Variants in NAA11 observed in about 807,000 individuals in gnomAD.
The protein encoded by NAA11 is N-alpha-acetyltransferase 11.
In NAA11, 15 loss-of-function variants were observed where a neutral mutation model predicts 16.1. The observed-to-expected ratio is 0.93, with a 90% CI of 0.62 to 1.44. The LOEUF is 1.44. Ranked by LOEUF, NAA11 falls within the 40% of genes most tolerant of loss-of-function variation. NAA11 has a pLI of 0.00. For synonymous variants in NAA11, 122 were observed against 112.4 expected (o/e 1.09, Z -0.54); for missense variants, 298 against 291.3 (o/e 1.02, Z -0.17).
chr4:79,294,689 A>T lies in NAA11; in HGVS notation c.*13-575T>A, dbSNP rs147971027. Among the ~76,000 whole-genome samples the T allele has an allele frequency of 4.0e-3, 612 of 152,302 alleles. 2 individuals are homozygous for T. Among genetic ancestry groups the T allele is most frequent in the Middle Eastern group, 0.031 (9 of 294 alleles). On this transcript the variant is annotated intron_variant and NMD_transcript_variant, in intron 1 of 2. Transcript: ENST00000511542. ...CCAGTTTATTATAAATAAATTAAAC[A>T]TTACTCTGTATCCTCGAGGAAAGAG...
the NAA11 span, among the ~76,000 whole-genome samples, chr4:79,157,046 C>A: frequency 6.6e-6 from 1 of 152,106 alleles, no homozygotes; most frequent in Admixed American, 6.6e-5. Flanking sequence ...TTTTAAATGA[C>A]AGTTATATTG....
At chr4:79,312,512 G>T (rs1160417808), downstream of NAA11, among the ~76,000 whole-genome samples, 1 of 151,804 alleles carries the variant, frequency 6.6e-6, no homozygotes, top group Non-Finnish European at 1.5e-5. Context: ...TTAGCCAGGC[G>T]TCGTGGCACA....
intron 1 of NAA11, among the ~76,000 whole-genome samples, chr4:79,318,646 T>A (rs1724000516): frequency 6.6e-6 from 1 of 152,174 alleles, no homozygotes; most frequent in Admixed American, 6.5e-5. Context: ...CTATGTAAAA[T>A]CTTATTTTTT....
At chr4:79,222,794 A>C (rs1286540650), downstream of NAA11, among the ~76,000 whole-genome samples, 1 of 152,020 alleles carries the variant, frequency 6.6e-6, no homozygotes, top group Non-Finnish European at 1.5e-5. Context: ...AAACAAATTT[A>C]CAAGAAAAAA....
chr4:79,195,033 A>G, the NAA11 span, among the ~76,000 whole-genome samples: 1 of 152,102 alleles, frequency 6.6e-6, no homozygotes, highest in Non-Finnish European at 1.5e-5. Context: ...TGAGACAGAA[A>G]GAAAAGTGTC....
chr4:79,321,501 TAGG>T (rs1724087861), intron 1 of NAA11, among the ~76,000 whole-genome samples: 1 of 152,228 alleles, frequency 6.6e-6, no homozygotes, highest in African/African-American at 2.4e-5. Context: ...GTCATTGAAT[TAGG>T]AGTTCTTAAC....
chr4:79,291,435 C>T (rs1358648615), intron 2 of NAA11, among the ~76,000 whole-genome samples: 1 of 151,880 alleles, frequency 6.6e-6, no homozygotes, highest in African/African-American at 2.4e-5. Context: ...TCTACTCCAG[C>T]GTGAGCAAAA....
intron 1 of NAA11, among the ~76,000 whole-genome samples, chr4:79,305,999 C>T (rs1723568999): frequency 6.6e-6 from 1 of 152,152 alleles, no homozygotes; most frequent in Admixed American, 6.5e-5. Context: ...TTATGCAGCT[C>T]TGGTAAGCCC....
chr4:79,226,714 T>C (rs1721324769), intron 2 of NAA11, among the ~76,000 whole-genome samples: 1 of 151,652 alleles, frequency 6.6e-6, no homozygotes, highest in African/African-American at 2.4e-5. Context: ...TTGCTGAGAA[T>C]GTTGGTTTCC....
At chr4:79,263,455 T>C (rs933869181) in intron 2 of NAA11, among the ~76,000 whole-genome samples, 9 of 152,134 alleles carry the variant, frequency 5.9e-5, no homozygotes, top group African/African-American at 2.2e-4. Flanking sequence ...AAAGAAAGCA[T>C]TGAGAATTCT....
the NAA11 span, among the ~76,000 whole-genome samples, chr4:79,178,327 A>G: frequency 6.6e-6 from 1 of 152,234 alleles, no homozygotes; most frequent in Non-Finnish European, 1.5e-5. Flanking sequence ...CTGGGAAAAC[A>G]TATTATGATA....
At chr4:79,193,106 T>G in the NAA11 span, among the ~76,000 whole-genome samples, 2 of 152,108 alleles carry the variant, frequency 1.3e-5, no homozygotes, top group African/African-American at 4.8e-5. Flanking sequence ...TTGAGTTCAT[T>G]GTAGATTCTG....
chr4:79,268,840 A>C (rs1405691308), intron 2 of NAA11, among the ~76,000 whole-genome samples: 1 of 129,894 alleles, frequency 7.7e-6, no homozygotes, highest in Non-Finnish European at 1.6e-5. Flanking sequence ...TCCCAATGCT[A>C]TCCCTCCCCC....
chr4:79,192,171 T>G, the NAA11 span, among the ~76,000 whole-genome samples: 1 of 152,196 alleles, frequency 6.6e-6, no homozygotes, highest in East Asian at 1.9e-4. Flanking sequence ...TCAGGCTCTT[T>G]TTTGGTTCCA....
chr4:79,179,536 A>C, the NAA11 span, among the ~76,000 whole-genome samples: 1 of 152,238 alleles, frequency 6.6e-6, no homozygotes, highest in African/African-American at 2.4e-5. Flanking sequence ...AAACCATTTT[A>C]TCAAAGTTAC....
the NAA11 span, among the ~76,000 whole-genome samples, chr4:79,156,115 A>G: frequency 6.6e-6 from 1 of 152,118 alleles, no homozygotes; most frequent in Non-Finnish European, 1.5e-5. Flanking sequence ...CTACAGTAAA[A>G]CCCACATATG....
At chr4:79,200,629 G>A in the NAA11 span, among the ~76,000 whole-genome samples, 146 of 151,842 alleles carry the variant, frequency 9.6e-4, no homozygotes, top group African/African-American at 3.4e-3. Context: ...AGAGATGAAA[G>A]GTTTAACGTG....
chr4:79,199,180 A>G, the NAA11 span, among the ~76,000 whole-genome samples: 1 of 151,926 alleles, frequency 6.6e-6, no homozygotes, highest in Non-Finnish European at 1.5e-5. Context: ...ATAGGAAACC[A>G]CAGAGCAGAA....
chr4:79,158,819 A>G, the NAA11 span, among the ~76,000 whole-genome samples: 44 of 151,868 alleles, frequency 2.9e-4, no homozygotes, highest in Non-Finnish European at 1.5e-5. Flanking sequence ...AAATACTTAG[A>G]GCAAACTGAT....
Sources: gnomAD v4.1 joint callset for allele counts (sites outside exome capture counted in the v4.1 genomes callset) on GRCh38, gnomAD v4.1.1 for gene constraint, MANE v1.5 for transcripts, NCBI Gene and HGNC (gene_info 2026-07-23, HGNC 2026-07-21) for gene names.